DPP10: variants seen among roughly 807,000 people sequenced by gnomAD.
DPP10 encodes dipeptidyl peptidase like 10.
DPP10 carries 33 observed loss-of-function variants against 120.9 expected under a neutral mutation model. The observed-to-expected ratio is 0.27, with a 90% CI of 0.21 to 0.37. The LOEUF (loss-of-function observed/expected upper bound fraction) is 0.37, where lower values mean the gene tolerates loss of function less well. Among genes scored for constraint, DPP10 ranks in the 10% least tolerant of loss-of-function variants. The probability of loss-of-function intolerance (pLI) is 1.00; values close to 1 mark genes in which losing one functional copy is unlikely to be tolerated. For missense variants in DPP10, 816 were observed against 942.8 expected (o/e 0.87, Z 1.76); for synonymous variants, 337 against 326.1 (o/e 1.03, Z -0.36).
intron 3 of DPP10, among the ~76,000 whole-genome samples, chr2:115,467,203 T>G (rs1032557502): frequency 6.6e-6 from 1 of 152,168 alleles, no homozygotes; most frequent in African/African-American, 2.4e-5. Context: ...CACTCATGCA[T>G]GTTTGCACAC....
chr2:115,776,912 G>A (rs1256893762), intron 13 of DPP10, among the ~76,000 whole-genome samples: 1 of 151,770 alleles, frequency 6.6e-6, no homozygotes, highest in Non-Finnish European at 1.5e-5. Context: ...TTACATGAGA[G>A]TGATTAAAGT....
intron 1 of DPP10, among the ~76,000 whole-genome samples, chr2:114,465,270 C>T (rs1468613915): frequency 2.0e-5 from 3 of 152,224 alleles, no homozygotes; most frequent in African/African-American, 7.2e-5. Context: ...TAGCACAGGG[C>T]CTGACGGAGT....
At chr2:115,357,618 G>A (rs2064482279) in intron 3 of DPP10, among the ~76,000 whole-genome samples, 1 of 152,162 alleles carries the variant, frequency 6.6e-6, no homozygotes, top group African/African-American at 2.4e-5. Context: ...AGGTCTGGAG[G>A]ATGGTGGGCC....
intron 1 of DPP10, among the ~76,000 whole-genome samples, chr2:114,767,207 C>CAAAAAAAAAAAAA (rs5833559): frequency 9.1e-5 from 3 of 33,060 alleles, no homozygotes; most frequent in African/African-American, 1.2e-4. Context: ...AGGATAAAAG[C>CAAAAAAAAAAAAA]AAAAAAAAAA....
At chr2:114,717,171 G>A (rs951943759) in intron 1 of DPP10, among the ~76,000 whole-genome samples, 1 of 152,106 alleles carries the variant, frequency 6.6e-6, no homozygotes, top group Non-Finnish European at 1.5e-5. Context: ...ACTTCCATTA[G>A]GAGACGACTT....
chr2:114,577,686 C>A (rs1054350535), intron 1 of DPP10, among the ~76,000 whole-genome samples: 1 of 152,128 alleles, frequency 6.6e-6, no homozygotes, highest in Non-Finnish European at 1.5e-5. Context: ...TTTGTTCTCT[C>A]ACGGTTCTGG....
chr2:115,060,063 C>T (rs1573465345), intron 1 of DPP10, among the ~76,000 whole-genome samples: 1 of 152,012 alleles, frequency 6.6e-6, no homozygotes, highest in East Asian at 1.9e-4. Context: ...CCCTCTCTCA[C>T]TATTGTAAGC....
intron 1 of DPP10, among the ~76,000 whole-genome samples, chr2:114,466,769 C>T (rs908146559): frequency 3.3e-5 from 5 of 152,126 alleles, no homozygotes; most frequent in South Asian, 2.1e-4. Context: ...CTTGGCAGGG[C>T]GCGATGGCTC....
chr2:115,052,146 G>C (rs976073273), intron 1 of DPP10, among the ~76,000 whole-genome samples: 2 of 152,062 alleles, frequency 1.3e-5, no homozygotes, highest in Admixed American at 1.3e-4. Flanking sequence ...AGGAGTTTGG[G>C]CCGCTATCTC....
intron 3 of DPP10, among the ~76,000 whole-genome samples, chr2:115,395,420 G>A (rs985738140): frequency 3.3e-5 from 5 of 152,118 alleles, no homozygotes; most frequent in African/African-American, 1.2e-4. Context: ...TTAGAGCTTT[G>A]ACATGTGGGT....
At chr2:114,484,423 A>C (rs1681319272) in intron 1 of DPP10, among the ~76,000 whole-genome samples, 1 of 152,152 alleles carries the variant, frequency 6.6e-6, no homozygotes, top group South Asian at 2.1e-4. Context: ...TACCTCATTA[A>C]TCAGTTCTTA....
At chr2:115,753,359 G>A in intron 11 of DPP10, 62 bp downstream of exon 11, 4 of 1,458,080 alleles carry the variant, frequency 2.7e-6, no homozygotes, top group East Asian at 2.5e-5. Context: ...CTTTACAAAG[G>A]GGAAACAGGA....
At chr2:114,744,164 T>C (rs1678339852) in intron 1 of DPP10, among the ~76,000 whole-genome samples, 2 of 152,138 alleles carry the variant, frequency 1.3e-5, no homozygotes, top group Non-Finnish European at 2.9e-5. Flanking sequence ...TGATTGGACA[T>C]GCAACATAGC....
chr2:115,525,776 A>G (rs971838287), intron 4 of DPP10, 122 bp from the exon 5 acceptor site: 14 of 671,100 alleles, frequency 2.1e-5, no homozygotes, highest in African/African-American at 9.1e-5. Flanking sequence ...TATGTATACA[A>G]TATAAAAGAA....
At chr2:115,612,689 A>G (rs1293983871) in intron 5 of DPP10, among the ~76,000 whole-genome samples, 1 of 152,160 alleles carries the variant, frequency 6.6e-6, no homozygotes, top group Non-Finnish European at 1.5e-5. Flanking sequence ...CAAGATATTT[A>G]ATGTCTCTGA....
chr2:115,448,675 A>G (rs527334359), intron 3 of DPP10, among the ~76,000 whole-genome samples: 14 of 152,302 alleles, frequency 9.2e-5, no homozygotes, highest in South Asian at 6.2e-4. Context: ...TAATGAAAAG[A>G]TAATAAATAT....
intron 1 of DPP10, among the ~76,000 whole-genome samples, chr2:114,902,510 T>A (rs932149445): frequency 5.3e-5 from 8 of 152,172 alleles, no homozygotes; most frequent in Admixed American, 5.2e-4. Context: ...GTTAAGAAAC[T>A]CCTCTCATGT....
Position 115,844,455 on chromosome 2 carries a change from C to T in DPP10, c.*2110C>T, listed in dbSNP as rs565404471. 3 of 152,522 alleles carry T rather than the reference C, an allele frequency of 2.0e-5. No individual in the cohort carries two copies. Among genetic ancestry groups the T allele is most frequent in the South Asian group, 2.1e-4 (1 of 4,824 alleles). 9.4% of individuals were successfully genotyped at this position (152,522 alleles called of 1,614,324 possible). ...ATGTGAAAGACATTTTTCTGGAACC[C>T]GTTTTCCCCTTAAACACTAAAGAGA... is the stretch of plus-strand genomic sequence containing the variant. On this transcript the variant is annotated 3_prime_UTR_variant, in exon 26 of 26. Transcript: ENST00000410059.
At chr2:115,333,456 T>A (rs1175509053) in intron 2 of DPP10, among the ~76,000 whole-genome samples, 1 of 152,168 alleles carries the variant, frequency 6.6e-6, no homozygotes, top group Non-Finnish European at 1.5e-5. Flanking sequence ...GTGAATTTGA[T>A]CCTGTCAGTA....
Sources: allele counts gnomAD v4.1 joint callset (sites outside exome capture counted in the v4.1 genomes callset), GRCh38; gene constraint gnomAD v4.1.1; transcripts MANE v1.5; gene names NCBI Gene and HGNC (gene_info 2026-07-23, HGNC 2026-07-21).